The following PTPRZ1 variants were observed in gnomAD, a reference collection of about 807,000 sequenced individuals.
The protein encoded by PTPRZ1 is protein tyrosine phosphatase receptor type Z1.
In PTPRZ1, 82 loss-of-function variants were observed where a neutral mutation model predicts 214.1. The observed-to-expected ratio is 0.38, with a 90% CI of 0.32 to 0.46. The LOEUF (loss-of-function observed/expected upper bound fraction) is 0.46, where lower values mean the gene tolerates loss of function less well. PTPRZ1 is among the 20% of genes least tolerant of loss of function. The pLI is 1.00. For synonymous variants in PTPRZ1, 945 were observed against 987.9 expected (o/e 0.96, Z 0.81); for missense variants, 2,603 against 2,748.7 (o/e 0.95, Z 1.19).
intron 23 of PTPRZ1, among the ~76,000 whole-genome samples, chr7:122,045,738 C>G (rs1310561184): frequency 1.3e-5 from 2 of 150,828 alleles, no homozygotes; most frequent in Non-Finnish European, 3.0e-5. Context: ...CAAAAAAACT[C>G]TCATTTAAAT....
chr7:122,002,252 A>G (rs1180978626), intron 10 of PTPRZ1, among the ~76,000 whole-genome samples: 2 of 152,234 alleles, frequency 1.3e-5, no homozygotes, highest in African/African-American at 4.8e-5. Flanking sequence ...GTCAGTTCAA[A>G]TGATCTCAGT....
At chr7:121,948,428 C>A (rs1031212356) in intron 2 of PTPRZ1, among the ~76,000 whole-genome samples, 1 of 152,014 alleles carries the variant, frequency 6.6e-6, no homozygotes, top group African/African-American at 2.4e-5. Context: ...CTAGCCTGGG[C>A]AATGCAGTGA....
At chr7:121,990,060 T>C (rs1323601719) in intron 8 of PTPRZ1, among the ~76,000 whole-genome samples, 2 of 152,136 alleles carry the variant, frequency 1.3e-5, no homozygotes, top group African/African-American at 4.8e-5. Flanking sequence ...TAGTTATAAC[T>C]GTATATTAAA....
intron 24 of PTPRZ1, 116 bp from the exon 25 acceptor site, chr7:122,051,750 A>C (rs1247877505): frequency 2.1e-5 from 21 of 1,015,248 alleles, no homozygotes; most frequent in Non-Finnish European, 2.8e-5. Context: ...TCAACTTGAA[A>C]AATGTAGCTA....
chr7:121,898,499 G>A (rs1008244231), intron 1 of PTPRZ1, among the ~76,000 whole-genome samples: 1 of 152,106 alleles, frequency 6.6e-6, no homozygotes, highest in African/African-American at 2.4e-5. Context: ...GTATTTTCTA[G>A]AGAATGAGAA....
intron 2 of PTPRZ1, among the ~76,000 whole-genome samples, chr7:121,958,794 T>C (rs1001661058): frequency 6.6e-6 from 1 of 152,176 alleles, no homozygotes; most frequent in Non-Finnish European, 1.5e-5. Flanking sequence ...CTCTGGAACA[T>C]TCCTAACCTT....
intron 3 of PTPRZ1, among the ~76,000 whole-genome samples, chr7:121,968,439 A>T (rs1338442898): frequency 6.6e-6 from 1 of 152,086 alleles, no homozygotes; most frequent in Non-Finnish European, 1.5e-5. Context: ...GTCAATCAGG[A>T]TTTCTTTTTC....
intron 1 of PTPRZ1, among the ~76,000 whole-genome samples, chr7:121,911,108 G>A (rs1226203465): frequency 2.0e-5 from 3 of 151,934 alleles, no homozygotes; most frequent in African/African-American, 7.2e-5. Context: ...GAGGATTTTT[G>A]TGCTTTGAAC....
intron 1 of PTPRZ1, among the ~76,000 whole-genome samples, chr7:121,915,293 TG>T (rs1563015522): frequency 6.6e-6 from 1 of 152,192 alleles, no homozygotes; most frequent in African/African-American, 2.4e-5. Flanking sequence ...AGGGGTCTGG[TG>T]GAGGTCCTCT....
At chr7:121,976,989 C>T (rs1004846680) in intron 6 of PTPRZ1, 138 bp downstream of exon 6, 2 of 550,256 alleles carry the variant, frequency 3.6e-6, no homozygotes, top group African/African-American at 3.9e-5. Flanking sequence ...TCACTTTCCA[C>T]ACTTGATAAT....
chr7:121,997,066 C>G (rs2116613396), intron 9 of PTPRZ1, among the ~76,000 whole-genome samples: 1 of 152,226 alleles, frequency 6.6e-6, no homozygotes, highest in Non-Finnish European at 1.5e-5. Flanking sequence ...ACAAAAAGAT[C>G]CACCCCTGCC....
At position 122,011,906 on chromosome 7, in the gene PTPRZ1, G is replaced by A. The variant is rs139152337; in HGVS notation, c.2860G>A (p.Val954Met). ...TTCTGCAATACCTGTGCATGATTCT[G>A]TGGGTGTAACTTATCAGGGTTCCTT... ...YSSAIPVHDS[V>M]GVTYQGSLFS... The change falls in exon 12 of 30, where the codon GTG becomes ATG. Residue 954 changes from valine to methionine, a missense_variant. Coordinates refer to ENST00000393386, the MANE Select transcript of PTPRZ1 (RefSeq NM_002851.3). 2 of 1,614,210 alleles carry A rather than the reference G, an allele frequency of 1.2e-6. No homozygotes were observed. Among genetic ancestry groups the A allele is most frequent in the South Asian group, 2.2e-5 (2 of 91,092 alleles).
At chr7:122,020,158 A>G (rs1025656913) in intron 13 of PTPRZ1, among the ~76,000 whole-genome samples, 1 of 152,158 alleles carries the variant, frequency 6.6e-6, no homozygotes, top group South Asian at 2.1e-4. Context: ...CTCTCAAAAT[A>G]TATTCTCGTG....
chr7:121,997,115 T>C (rs1798167690), intron 9 of PTPRZ1, among the ~76,000 whole-genome samples: 1 of 152,128 alleles, frequency 6.6e-6, no homozygotes, highest in Non-Finnish European at 1.5e-5. Flanking sequence ...ACAGATTCCC[T>C]TTGTGGCCTG....
chr7:121,907,974 T>C (rs1005053339), intron 1 of PTPRZ1, among the ~76,000 whole-genome samples: 1 of 152,052 alleles, frequency 6.6e-6, no homozygotes, highest in African/African-American at 2.4e-5. Flanking sequence ...AAAATAATAA[T>C]CAAATTTAGA....
chr7:122,005,652 G>C (rs912536520), intron 11 of PTPRZ1, among the ~76,000 whole-genome samples: 1 of 151,294 alleles, frequency 6.6e-6, no homozygotes, highest in Non-Finnish European at 1.5e-5. Flanking sequence ...ATATATATAT[G>C]TATATATACA....
In PTPRZ1 at chr7:122,042,728, T is replaced by C; in HGVS notation, c.5922T>C (p.Tyr1974=). 6.2e-7 allele frequency: 1 copy of C among 1,612,172 alleles called. No individual in the cohort carries two copies. Among genetic ancestry groups the C allele is most frequent in the Non-Finnish European group, 8.5e-7 (1 of 1,178,388 alleles). ...AACACATCCGTTCACAAAGAAATTA[T>C]TTGGTACAAACTGAGGTATGATTTT... ...FLKHIRSQRN[Y]LVQTEEQYVF... is the part of the protein sequence containing the mutation. Residue 1974 remains tyrosine, a synonymous_variant, in exon 22 of 30, where the codon TAT becomes TAC. Coordinates refer to ENST00000393386, the MANE Select transcript of PTPRZ1 (RefSeq NM_002851.3).
At position 122,040,935 on chromosome 7, in the gene PTPRZ1, C is replaced by T; in HGVS notation, c.5757C>T (p.Ala1919=). Residue 1919 remains alanine (A), a synonymous_variant, in exon 21 of 30, where the codon GCC becomes GCT. Transcript: ENST00000393386. ...TGCTGACCTTTGTGAGAAAGGCAGCCTATGCCAAGCGCCATGCAGTGGGGC... is the reference window on the plus strand; with the variant it reads ...TGCTGACCTTTGTGAGAAAGGCAGCTTATGCCAAGCGCCATGCAGTGGGGC... ...LPVLTFVRKA[A]YAKRHAVGPV... The T allele has an allele frequency of 6.9e-6, 11 of 1,598,538 alleles. No individual in the cohort carries two copies. Among genetic ancestry groups the T allele is most frequent in the Non-Finnish European group, 9.4e-6 (11 of 1,168,642 alleles).
rs773861758 is a variant in PTPRZ1, at chr7:122,013,635, T to G, written c.4589T>G (p.Leu1530Arg). The G allele has an allele frequency of 1.3e-5, 21 of 1,614,240 alleles. No individual in the cohort carries two copies. Among genetic ancestry groups the G allele is most frequent in the Non-Finnish European group, 1.7e-5 (20 of 1,180,046 alleles). Residue 1530 changes from leucine to arginine, a missense_variant, in exon 12 of 30, where the codon CTG (leucine) becomes CGG (arginine). Leu to Arg is a moderately radical substitution (Grantham distance 102, BLOSUM62 -2). Around this residue, in one of 6 missense-constraint regions of PTPRZ1, gnomAD observed 1,913 missense variants for 1,914.3 expected, o/e 1.00. Transcript: ENST00000393386. ...AATGACATTCAGACTGGTAGTGCTCTGCTTCCTCTCAGCCCTGAATCTAAA... is the reference window on the plus strand; with the variant it reads ...AATGACATTCAGACTGGTAGTGCTCGGCTTCCTCTCAGCCCTGAATCTAAA... Reference protein sequence around the residue: ...EENDIQTGSALLPLSPESKAW... With the variant: ...EENDIQTGSARLPLSPESKAW...
Sources: allele counts gnomAD v4.1 joint callset (sites outside exome capture counted in the v4.1 genomes callset), GRCh38; gene constraint gnomAD v4.1.1; regional missense constraint gnomAD v4.1.1; transcripts MANE v1.5; gene names NCBI Gene and HGNC (gene_info 2026-07-23, HGNC 2026-07-21).